The following SYTL5 variants were observed in gnomAD, a reference collection of about 807,000 sequenced individuals.
The protein encoded by SYTL5 is synaptotagmin like 5.
Under a neutral mutation model 55.9 loss-of-function variants are expected in SYTL5, and 34 were observed. The ratio of observed to expected loss-of-function variants is 0.61; its 90% CI spans 0.46 to 0.81. SYTL5 has a LOEUF of 0.81. Among genes scored for constraint, SYTL5 ranks in the 30% least tolerant of loss-of-function variants. The pLI is 0.00. For missense variants in SYTL5, 637 were observed against 546.7 expected (o/e 1.17, Z -1.65); for synonymous variants, 221 against 188.7 (o/e 1.17, Z -1.40).
intron 2 of SYTL5, among the ~76,000 whole-genome samples, chrX:38,037,309 C>G (rs1935134550): frequency 9.0e-6 from 1 of 111,713 alleles, no homozygotes; most frequent in Non-Finnish European, 1.9e-5. Flanking sequence ...CCTGCCTTCT[C>G]CTGCCTCCCT....
intron 2 of SYTL5, among the ~76,000 whole-genome samples, chrX:38,051,899 GGTT>G (rs1935633708): frequency 9.0e-6 from 1 of 111,370 alleles, no homozygotes. Context: ...TCCCAAGCAG[GGTT>G]CCTTCTGTTC....
chrX:38,032,215 G>A (rs1378970645), intron 1 of SYTL5, among the ~76,000 whole-genome samples: 1 of 111,671 alleles, frequency 9.0e-6, no homozygotes, highest in Non-Finnish European at 1.9e-5. Flanking sequence ...CAGGTAAATT[G>A]TAGTTCATAG....
intron 13 of SYTL5, among the ~76,000 whole-genome samples, chrX:38,117,796 G>T (rs1937517476): frequency 8.9e-6 from 1 of 111,973 alleles, no homozygotes; most frequent in Non-Finnish European, 1.9e-5. Context: ...TCTCTCTGTG[G>T]CTTTAGCCTC....
At chrX:37,893,167 C>A in the SYTL5 span, among the ~76,000 whole-genome samples, 1 of 52,533 alleles carries the variant, frequency 1.9e-5, no homozygotes, top group East Asian at 4.9e-4. Flanking sequence ...ATACCACACT[C>A]TATACTATAT....
At chrX:37,906,714 G>T in the SYTL5 span, 5 of 112,444 alleles carry the variant, frequency 4.4e-5, no homozygotes, top group African/African-American at 1.6e-4. Context: ...ATTCATTGAA[G>T]GACACTATTG....
chrX:38,106,266 G>A (rs965574375), intron 10 of SYTL5, among the ~76,000 whole-genome samples: 1 of 112,210 alleles, frequency 8.9e-6, no homozygotes, highest in Non-Finnish European at 1.9e-5. Flanking sequence ...AGAGATAGAC[G>A]AGAAGTGAGA....
In SYTL5 at chrX:38,120,416, G is replaced by A. The variant is rs779699577; in HGVS notation, c.1655G>A (p.Arg552His). ...QYKGELTVVL[R>H]YIPPEENLML... ...AAAGGAGAGCTGACAGTTGTTTTACGTTACATTCCCCCAGAAGAGAACCTG... is the reference window on the plus strand; with the variant it reads ...AAAGGAGAGCTGACAGTTGTTTTACATTACATTCCCCCAGAAGAGAACCTG... The change falls in exon 14 of 17, where the codon CGT (arginine) becomes CAT (histidine). Residue 552 changes from arginine to histidine, a missense_variant. Transcript: ENST00000297875. 3.7e-5 allele frequency: 45 copies of A among 1,209,241 alleles called. 1 individual carries two copies. The Admixed American group carries it at 3.9e-4, about 11-fold the overall frequency.
the SYTL5 span, chrX:37,906,724 G>A: frequency 8.9e-6 from 1 of 112,542 alleles, no homozygotes; most frequent in African/African-American, 3.2e-5. Context: ...GGACACTATT[G>A]AATGTTTTAT....
In SYTL5 at chrX:38,079,794, G is replaced by C. The variant is rs142294837; in HGVS notation, c.689+3093G>C. Among the ~76,000 whole-genome samples the C allele has an allele frequency of 8.4e-3, 933 of 111,666 alleles. 5 individuals carry two copies. Among genetic ancestry groups the C allele is most frequent in the Middle Eastern group, 0.042 (9 of 215 alleles). On this transcript the variant is annotated intron_variant, in intron 6 of 16. Transcript: ENST00000297875. Reference sequence around the variant, plus strand: ...ACTCTAGAGCATAAACTATATCCCTGAGCTTTTTCCACATTGAGGAGCTGG... The same window carrying C: ...ACTCTAGAGCATAAACTATATCCCTCAGCTTTTTCCACATTGAGGAGCTGG...
chrX:38,072,883 G>A (rs377298604), intron 4 of SYTL5, among the ~76,000 whole-genome samples: 6 of 111,966 alleles, frequency 5.4e-5, no homozygotes, highest in Non-Finnish European at 7.5e-5. Context: ...TAGTAAAAGC[G>A]GAAGAAACAT....
At chrX:38,052,835 A>G (rs1982926963) in intron 2 of SYTL5, among the ~76,000 whole-genome samples, 2 of 111,604 alleles carry the variant, frequency 1.8e-5, no homozygotes, top group Non-Finnish European at 3.8e-5. Flanking sequence ...TTCTGTGTTG[A>G]AGAAGAGATT....
chrX:37,984,477 A>G, the SYTL5 span, among the ~76,000 whole-genome samples: 2 of 112,170 alleles, frequency 1.8e-5, no homozygotes, highest in East Asian at 5.5e-4. Flanking sequence ...AAATAAATAG[A>G]TTGAATTAGT....
intron 6 of SYTL5, among the ~76,000 whole-genome samples, chrX:38,083,286 C>T (rs1936583451): frequency 2.7e-5 from 3 of 111,634 alleles, no homozygotes; most frequent in Admixed American, 9.5e-5. Flanking sequence ...TTAAGATCTA[C>T]TTCTTCATAC....
intron 3 of SYTL5, among the ~76,000 whole-genome samples, chrX:38,065,854 C>T (rs745768309): frequency 1.8e-5 from 2 of 111,665 alleles, no homozygotes; most frequent in Non-Finnish European, 3.8e-5. Flanking sequence ...AATCCCAACA[C>T]TTTGGGAGGC....
chrX:37,963,228 A>G, the SYTL5 span, among the ~76,000 whole-genome samples: 1 of 109,598 alleles, frequency 9.1e-6, no homozygotes, highest in Non-Finnish European at 1.9e-5. Context: ...CAGAAAATAT[A>G]TGGTTGGTAT....
chrX:38,090,737 A>T (rs1295704489), intron 7 of SYTL5, among the ~76,000 whole-genome samples: 1 of 112,782 alleles, frequency 8.9e-6, no homozygotes. Flanking sequence ...ACGCAGAGAC[A>T]GCACTGATAT....
chrX:38,056,525 G>A (rs1424758097), intron 3 of SYTL5, among the ~76,000 whole-genome samples: 2 of 111,380 alleles, frequency 1.8e-5, no homozygotes, highest in African/African-American at 6.5e-5. Context: ...ATTTTTAGTA[G>A]TTTAAGGAAC....
intron 15 of SYTL5, among the ~76,000 whole-genome samples, chrX:38,124,439 T>G (rs780656183): frequency 8.9e-6 from 1 of 112,008 alleles, no homozygotes. Flanking sequence ...ACTTTTCGTT[T>G]TTGTTCCATG....
chrX:37,945,025 T>G, the SYTL5 span, among the ~76,000 whole-genome samples: 5 of 113,134 alleles, frequency 4.4e-5, no homozygotes, highest in Admixed American at 4.7e-4. Context: ...CTGCAACTAC[T>G]CTTAACTTTA....
Sources: allele counts gnomAD v4.1 joint callset (sites outside exome capture counted in the v4.1 genomes callset), GRCh38; gene constraint gnomAD v4.1.1; transcripts MANE v1.5; gene names NCBI Gene and HGNC (gene_info 2026-07-23, HGNC 2026-07-21).